The following FANCL variants were observed in gnomAD, a reference collection of about 807,000 sequenced individuals.
FANCL encodes E3 ubiquitin-protein ligase FANCL.
In FANCL, 69 loss-of-function variants were observed where a neutral mutation model predicts 59.4. The ratio of observed to expected loss-of-function variants is 1.16; its 90% CI spans 0.96 to 1.42. The LOEUF is 1.42. Ranked by LOEUF, FANCL falls within the 40% of genes most tolerant of loss-of-function variation. The pLI, the probability that FANCL is intolerant of heterozygous loss-of-function variation, is 0.00. For synonymous variants in FANCL, 180 were observed against 147.1 expected, an observed-to-expected ratio of 1.22 and a Z score of -1.62; for missense variants, 519 against 447.2, an observed-to-expected ratio of 1.16 and a Z score of -1.45.
At chr2:58,172,245 C>T (rs1373555271) in intron 7 of FANCL, among the ~76,000 whole-genome samples, 1 of 152,208 alleles carries the variant, frequency 6.6e-6, no homozygotes, top group Non-Finnish European at 1.5e-5. Flanking sequence ...TTGAAGAGAG[C>T]AGTGGTTCTC....
chr2:58,196,657 A>C (rs908926704), intron 7 of FANCL, among the ~76,000 whole-genome samples: 1 of 152,012 alleles, frequency 6.6e-6, no homozygotes, highest in Non-Finnish European at 1.5e-5. Flanking sequence ...GAGAGTCACA[A>C]ACTGATTTTG....
chr2:58,204,483 C>T (rs961657003), intron 5 of FANCL, among the ~76,000 whole-genome samples: 1 of 152,074 alleles, frequency 6.6e-6, no homozygotes, highest in Non-Finnish European at 1.5e-5. Flanking sequence ...GGTCAGTGAG[C>T]ACTATGTTTC....
chr2:58,184,604 AT>A (rs1348881283), intron 7 of FANCL, among the ~76,000 whole-genome samples: 1 of 152,126 alleles, frequency 6.6e-6, no homozygotes, highest in Non-Finnish European at 1.5e-5. Context: ...ATGAATAAAA[AT>A]ATAAGAGAAA....
At chr2:58,174,763 C>G (rs927130908) in intron 7 of FANCL, among the ~76,000 whole-genome samples, 9 of 152,078 alleles carry the variant, frequency 5.9e-5, no homozygotes, top group East Asian at 1.9e-4. Context: ...TCAAAAGCTA[C>G]CAGAAGGCAA....
intron 7 of FANCL, among the ~76,000 whole-genome samples, chr2:58,193,604 T>C (rs1689149712): frequency 6.6e-6 from 1 of 152,176 alleles, no homozygotes; most frequent in East Asian, 1.9e-4. Flanking sequence ...ACAGTAAGAC[T>C]GCCAACAAAG....
intron 7 of FANCL, among the ~76,000 whole-genome samples, chr2:58,177,526 C>T (rs201356389): frequency 5.4e-4 from 79 of 145,968 alleles, no homozygotes; most frequent in African/African-American, 1.2e-3. Context: ...TAAACTATCG[C>T]AAGAACAAAA....
At chr2:58,189,393 A>T (rs1688712207) in intron 7 of FANCL, among the ~76,000 whole-genome samples, 2 of 152,160 alleles carry the variant, frequency 1.3e-5, no homozygotes, top group Admixed American at 1.3e-4. Context: ...AACTTAAAAA[A>T]CACAAAATAG....
At position 58,171,588 on chromosome 2, in the gene FANCL, TG is replaced by T. The variant is rs543369751; in HGVS notation, c.541-5715del. 6.0e-3 allele frequency among the ~76,000 whole-genome samples: 920 copies of T among 152,256 alleles called. 15 individuals carry two copies. The highest frequency in any genetic ancestry group is 0.021 in the African/African-American group (874 of 41,558). On this transcript the variant is annotated intron_variant, in intron 7 of 13. Coordinates refer to ENST00000233741, the MANE Select transcript of FANCL (RefSeq NM_018062.4). ...CAAAAAAATCAATGAACCCAGGAGC[TG>T]GTTTTTTGAAAAGAGTAACAAAATA... is the stretch of plus-strand genomic sequence containing the variant.
At chr2:58,241,352 T>C (rs41281511), upstream of FANCL, 1,399 of 1,594,122 alleles carry the variant, frequency 8.8e-4, 8 homozygotes, top group African/African-American at 0.013. Context: ...GCTCTAGACC[T>C]GCTGGGTCCT....
At chr2:58,178,879 C>A (rs1052387750) in intron 7 of FANCL, among the ~76,000 whole-genome samples, 1 of 152,190 alleles carries the variant, frequency 6.6e-6, no homozygotes, top group Non-Finnish European at 1.5e-5. Flanking sequence ...GCAACATCAG[C>A]AAGGTCTCAG....
At chr2:58,217,194 AT>A in intron 5 of FANCL, among the ~76,000 whole-genome samples, 1 of 4,926 alleles carries the variant, frequency 2.0e-4, no homozygotes, top group African/African-American at 1.3e-3. Context: ...ATATATATAT[AT>A]ATATATATAT....
At chr2:58,179,087 A>T (rs944815730) in intron 7 of FANCL, among the ~76,000 whole-genome samples, 1 of 152,240 alleles carries the variant, frequency 6.6e-6, no homozygotes, top group Non-Finnish European at 1.5e-5. Context: ...AAGAGAGGAC[A>T]CAAACAAATG....
intron 7 of FANCL, among the ~76,000 whole-genome samples, chr2:58,173,670 C>T (rs562055423): frequency 3.0e-4 from 46 of 152,174 alleles, no homozygotes; most frequent in Middle Eastern, 3.4e-3. Context: ...CGGTACCAGC[C>T]GCTGCAAAAT....
chr2:58,194,148 A>G (rs1689205116), intron 7 of FANCL: 1 of 466,554 alleles, frequency 2.1e-6, no homozygotes, highest in Middle Eastern at 3.3e-4. Flanking sequence ...ACCACTATTT[A>G]CTACACCACA....
chr2:58,217,173 T>G (rs1319406194), intron 5 of FANCL, among the ~76,000 whole-genome samples: 26 of 17,806 alleles, frequency 1.5e-3, no homozygotes, highest in South Asian at 2.6e-3. Context: ...ATTTTATATA[T>G]ATATATATAT....
At chr2:58,172,989 T>C (rs1418554728) in intron 7 of FANCL, among the ~76,000 whole-genome samples, 1 of 152,264 alleles carries the variant, frequency 6.6e-6, no homozygotes, top group Non-Finnish European at 1.5e-5. Context: ...ACGTGAAGAA[T>C]ACAGAAGCCT....
At chr2:58,171,721 G>T (rs911669428) in intron 7 of FANCL, among the ~76,000 whole-genome samples, 2 of 152,204 alleles carry the variant, frequency 1.3e-5, no homozygotes, top group African/African-American at 4.8e-5. Context: ...GAGGTACCGG[G>T]TTCATCTCAC....
chr2:58,172,828 C>G (rs1026593287), intron 7 of FANCL, among the ~76,000 whole-genome samples: 1 of 152,134 alleles, frequency 6.6e-6, no homozygotes, highest in African/African-American at 2.4e-5. Context: ...TTCAGACCAT[C>G]AAACTACTAT....
intron 5 of FANCL, among the ~76,000 whole-genome samples, chr2:58,218,424 C>T (rs1267079831): frequency 6.6e-6 from 1 of 151,448 alleles, no homozygotes; most frequent in Non-Finnish European, 1.5e-5. Flanking sequence ...ATTAAAAAGG[C>T]ACAAAAAACT....
Sources: gnomAD v4.1 joint callset for allele counts (sites outside exome capture counted in the v4.1 genomes callset) on GRCh38, gnomAD v4.1.1 for gene constraint, MANE v1.5 for transcripts, NCBI Gene and HGNC (gene_info 2026-07-23, HGNC 2026-07-21) for gene names.